The following PMAIP1 variants were observed in gnomAD, a reference collection of about 807,000 sequenced individuals.
The protein encoded by PMAIP1 is phorbol-12-myristate-13-acetate-induced protein 1, also known as PMA-induced protein 1.
PMAIP1 carries 3 observed loss-of-function variants against 3.7 expected under a neutral mutation model. The ratio of observed to expected loss-of-function variants is 0.82; its 90% CI spans 0.37 to 2.12. PMAIP1 has a LOEUF of 2.12. Ranked by LOEUF, PMAIP1 falls within the 30% of genes most tolerant of loss-of-function variation. PMAIP1 has a pLI of 0.06. For synonymous variants in PMAIP1, 29 were observed against 26.2 expected, an observed-to-expected ratio of 1.11 and a Z score of -0.32; for missense variants, 77 against 67.1, an observed-to-expected ratio of 1.15 and a Z score of -0.52.
chr18:59,902,721 C>A lies in PMAIP1; in HGVS notation c.133C>A (p.Leu45Met). Residue 45 changes from leucine (L) to methionine (M), a missense_variant, in exon 2 of 2, where the codon CTG becomes ATG. Leu to Met is a conservative substitution (Grantham distance 15). Coordinates refer to ENST00000316660, the MANE Select transcript of PMAIP1 (RefSeq NM_021127.3). ...KLNFRQKLLN[L>M]ISKLFCSGT is the part of the protein sequence containing the mutation. ...GAACTTCCGGCAGAAACTTCTGAAT[C>A]TGATATCCAAACTCTTCTGCTCAGG... The A allele has an allele frequency of 6.2e-7, 1 of 1,614,164 alleles. No homozygotes were observed. Among genetic ancestry groups the A allele is most frequent in the Middle Eastern group, 1.6e-4 (1 of 6,062 alleles).
chr18:59,900,209 A>T lies in PMAIP1; in HGVS notation c.32A>T (p.Gln11Leu), dbSNP rs1335549623. 6.4e-7 allele frequency: 1 copy of T among 1,555,920 alleles called. No homozygotes were observed. The highest frequency in any genetic ancestry group is 1.7e-4 in the Middle Eastern group (1 of 5,734). Residue 11 changes from glutamine (Q) to leucine (L), a missense_variant, in exon 1 of 2, where the codon CAA becomes CTA. Physicochemically the swap from Gln to Leu is moderately radical, Grantham distance 113. Coordinates refer to ENST00000316660, the MANE Select transcript of PMAIP1 (RefSeq NM_021127.3). MPGKKARKNAQPSPARAPAEL... is the reference protein window; with the variant it reads MPGKKARKNALPSPARAPAEL... ...GGGAAGAAGGCGCGCAAGAACGCTC[A>T]ACCGAGCCCCGCGCGGGCTCCAGCA...
chr18:59,900,298 C>T, intron 1 of PMAIP1, 63 bp downstream of exon 1: 2 of 1,523,440 alleles, frequency 1.3e-6, no homozygotes, highest in South Asian at 1.2e-5. Flanking sequence ...GGGTCGAGGT[C>T]TCGGCTGGGG....
intron 1 of PMAIP1, among the ~76,000 whole-genome samples, chr18:59,902,053 A>G (rs1279752835): frequency 1.3e-5 from 2 of 152,226 alleles, no homozygotes; most frequent in Non-Finnish European, 1.5e-5. Context: ...TTAGAATAAG[A>G]TTTTATGAGT....
chr18:59,900,817 A>T, intron 1 of PMAIP1: 1 of 478,586 alleles, frequency 2.1e-6, no homozygotes. Context: ...ACCCCGATAC[A>T]TACAGCTCCA....
In PMAIP1 at chr18:59,900,128, G is replaced by T. The variant is rs1433674713; in HGVS notation, c.-50G>T. ...AGCTGTCCGAGGTGCTCCAGTTGGA[G>T]GCTGAGGTTCCCGGGCTCTGTAGCT... On this transcript the variant is annotated 5_prime_UTR_variant, in exon 1 of 2. The change creates a new upstream start codon in the 5' untranslated region. Coordinates refer to ENST00000316660, the MANE Select transcript of PMAIP1 (RefSeq NM_021127.3). 1.3e-6 allele frequency: 2 copies of T among 1,537,672 alleles called. No homozygotes were observed. The highest frequency in any genetic ancestry group is 1.7e-6 in the Non-Finnish European group (2 of 1,144,302).
Position 59,902,719 on chromosome 18 carries a change from A to C in PMAIP1, c.131A>C (p.Asn44Thr). ...DKLNFRQKLL[N>T]LISKLFCSGT ...CTGAACTTCCGGCAGAAACTTCTGA[A>C]TCTGATATCCAAACTCTTCTGCTCA... The change falls in exon 2 of 2, where the codon AAT (asparagine) becomes ACT (threonine). Residue 44 changes from asparagine (N) to threonine (T), a missense_variant. Coordinates refer to ENST00000316660, the MANE Select transcript of PMAIP1 (RefSeq NM_021127.3). 1 of 1,614,198 alleles carries C rather than the reference A, an allele frequency of 6.2e-7. No homozygotes were observed. Among genetic ancestry groups the C allele is most frequent in the African/African-American group, 1.3e-5 (1 of 75,064 alleles).
intron 1 of PMAIP1, among the ~76,000 whole-genome samples, chr18:59,901,032 A>G (rs1489194995): frequency 2.6e-5 from 4 of 152,206 alleles, no homozygotes; most frequent in Non-Finnish European, 5.9e-5. Flanking sequence ...AAATGTGACC[A>G]TGCCTAAGTT....
chr18:59,901,188 C>G (rs2055765874), intron 1 of PMAIP1, among the ~76,000 whole-genome samples: 1 of 152,216 alleles, frequency 6.6e-6, no homozygotes, highest in Non-Finnish European at 1.5e-5. Context: ...TTCCCAAGAA[C>G]AGGAAGCAGC....
rs765533777 is a variant in PMAIP1, at chr18:59,902,779, A to G, written c.*26A>G. On this transcript the variant is annotated 3_prime_UTR_variant, in exon 2 of 2. Transcript: ENST00000316660. ...CTGCATCAAAAACTTGCATGAGGGG[A>G]CTCCTTCAAAAGAGTTTTCTCAGGA... is the stretch of plus-strand genomic sequence containing the variant. 1.9e-6 allele frequency: 3 copies of G among 1,613,966 alleles called. No individual in the cohort carries two copies. The South Asian group carries it at 3.3e-5, about 18-fold the overall frequency.
intron 1 of PMAIP1, 177 bp downstream of exon 1, chr18:59,900,412 C>T (rs547733928): frequency 1.4e-5 from 22 of 1,550,154 alleles, no homozygotes; most frequent in East Asian, 2.4e-5. Flanking sequence ...GAAAGTTCTT[C>T]GGGGTTTTTC....
rs750922026 is a variant in PMAIP1 at position 59,900,491 on chromosome 18, G to A, written c.58+256G>A. The A allele has an allele frequency of 3.9e-6, 6 of 1,550,426 alleles. No individual in the cohort carries two copies. The South Asian group carries it at 7.1e-5, about 18-fold the overall frequency. ...GGATTTGCGATTGGGATGCAGCTGC[G>A]TTTCACCAGGGGCAAAAAGCTCCTT... is the stretch of plus-strand genomic sequence containing the variant. On this transcript the variant is annotated intron_variant, in intron 1 of 1. Transcript: ENST00000316660.
Position 59,900,195 on chromosome 18 carries a change from G to A in PMAIP1, c.18G>A (p.Ala6=). The A allele has an allele frequency of 1.3e-6, 2 of 1,558,494 alleles. No individual in the cohort carries two copies. Among genetic ancestry groups the A allele is most frequent in the South Asian group, 1.2e-5 (1 of 85,144 alleles). MPGKK[A]RKNAQPSPAR... ...CGGCGGAGATGCCTGGGAAGAAGGC[G>A]CGCAAGAACGCTCAACCGAGCCCCG... Residue 6 remains alanine, a synonymous_variant, in exon 1 of 2, where the codon GCG becomes GCA. Transcript: ENST00000316660.
Position 59,902,825 on chromosome 18 carries a change from G to C in PMAIP1, c.*72G>C. 1 of 1,609,232 alleles carries C rather than the reference G, an allele frequency of 6.2e-7. No homozygotes were observed. Among genetic ancestry groups the C allele is most frequent in the Non-Finnish European group, 8.5e-7 (1 of 1,177,158 alleles). ...CAGGAGGTGCACGTTTCATCAATTTGAAGAAAGACTGCATTGTAATTGAGA... is the reference window on the plus strand; with the variant it reads ...CAGGAGGTGCACGTTTCATCAATTTCAAGAAAGACTGCATTGTAATTGAGA... On this transcript the variant is annotated 3_prime_UTR_variant, in exon 2 of 2. Transcript: ENST00000316660.
intron 1 of PMAIP1, chr18:59,900,451 G>T: frequency 6.5e-7 from 1 of 1,546,284 alleles, no homozygotes; most frequent in Non-Finnish European, 8.7e-7. Flanking sequence ...GGCGGGTACG[G>T]CGAGGGACCA....
chr18:59,903,912 T>C lies in PMAIP1; in HGVS notation c.*1159T>C, dbSNP rs575723889. The C allele has an allele frequency of 6.6e-6, 1 of 152,308 alleles. No individual in the cohort carries two copies. The highest frequency in any genetic ancestry group is 2.1e-4 in the South Asian group (1 of 4,832). The allele number at this position is 152,308 out of a possible 1,614,324, so 9.4% of individuals were successfully genotyped here. A position where few individuals can be genotyped will look rare whatever the true frequency, so the allele number is the denominator to read the frequency against. ...TCAAGTAAGTTTCATTTTTTTTATC[T>C]GGGCTATATACAGTCCTCAAATAAA... On this transcript the variant is annotated 3_prime_UTR_variant, in exon 2 of 2. Transcript: ENST00000316660.
intron 1 of PMAIP1, among the ~76,000 whole-genome samples, chr18:59,900,954 C>T (rs549938183): frequency 4.6e-4 from 70 of 152,274 alleles, no homozygotes; most frequent in African/African-American, 1.7e-3. Context: ...ATTATACGCC[C>T]CCCCCACCTT....
intron 1 of PMAIP1, among the ~76,000 whole-genome samples, chr18:59,901,028 G>A (rs904644697): frequency 2.6e-5 from 4 of 152,160 alleles, no homozygotes; most frequent in Admixed American, 6.6e-5. Context: ...TTGCAAATGT[G>A]ACCATGCCTA....
intron 1 of PMAIP1, 79 bp downstream of exon 1, chr18:59,900,314 T>C: frequency 1.3e-6 from 2 of 1,513,004 alleles, no homozygotes; most frequent in Non-Finnish European, 1.8e-6. Flanking sequence ...TGGGGCGGGC[T>C]CAGCTCGCCG....
intron 1 of PMAIP1, chr18:59,900,696 C>A: frequency 9.6e-7 from 1 of 1,042,852 alleles, no homozygotes; most frequent in Non-Finnish European, 1.4e-6. Context: ...CCCCTGTGTT[C>A]AGGAGCCTAG....
Sources: gnomAD v4.1 joint callset for allele counts (sites outside exome capture counted in the v4.1 genomes callset) on GRCh38, gnomAD v4.1.1 for gene constraint, MANE v1.5 for transcripts, NCBI Gene and HGNC (gene_info 2026-07-23, HGNC 2026-07-21) for gene names.